Variants in CELF2 observed in about 807,000 individuals in gnomAD.
The protein encoded by CELF2 is CUGBP Elav-like family member 2.
A neutral mutation model predicts 62.6 loss-of-function variants in CELF2; 8 were observed. The ratio of observed to expected loss-of-function variants is 0.13; its 90% CI spans 0.07 to 0.23. The LOEUF (loss-of-function observed/expected upper bound fraction) is 0.23. CELF2 is among the 10% of genes least tolerant of loss of function. The pLI is 1.00. For synonymous variants in CELF2, 258 were observed against 250.0 expected (o/e 1.03, Z -0.30); for missense variants, 333 against 671.0 (o/e 0.50, Z 5.56).
chr10:11,060,723 A>G (rs1393658450), intron 1 of CELF2, among the ~76,000 whole-genome samples: 1 of 152,180 alleles, frequency 6.6e-6, no homozygotes, highest in East Asian at 1.9e-4. Context: ...CATTTTCCCA[A>G]TAACATGTGC....
chr10:10,731,471 G>A, the CELF2 span, among the ~76,000 whole-genome samples: 1 of 152,124 alleles, frequency 6.6e-6, no homozygotes, highest in South Asian at 2.1e-4. Context: ...GTATAAAATG[G>A]AAAGAAACTA....
chr10:11,175,250 G>T (rs7073431), intron 2 of CELF2, among the ~76,000 whole-genome samples: 96 of 152,166 alleles, frequency 6.3e-4, no homozygotes, highest in Non-Finnish European at 1.0e-3. Flanking sequence ...AGCATGAATC[G>T]CAAAGGTCCG....
chr10:10,760,024 C>T, the CELF2 span, among the ~76,000 whole-genome samples: 1 of 152,166 alleles, frequency 6.6e-6, no homozygotes, highest in Non-Finnish European at 1.5e-5. Context: ...CCTGCCTCAC[C>T]CTCCTGCGTA....
chr10:11,244,697 G>A lies in CELF2; in HGVS notation c.355-4456G>A, dbSNP rs984153043. On this transcript the variant is annotated intron_variant, in intron 3 of 12. Coordinates refer to ENST00000633077, the MANE Select transcript of CELF2 (RefSeq NM_001326342.2). This position sits in a 1 kb window ranked among gnomAD's most constrained non-coding sequence, Gnocchi z 4.2. ...CAGCATAAAAACAACAACAACTTCC[G>A]TTGCTTCCTCTGTTGGTTAGGATAT... 2.0e-5 allele frequency among the ~76,000 whole-genome samples: 3 copies of A among 150,996 alleles called. No homozygotes were observed. The highest frequency in any genetic ancestry group is 2.1e-4 in the South Asian group (1 of 4,782).
At chr10:11,066,004 C>T (rs1192705549) in intron 1 of CELF2, among the ~76,000 whole-genome samples, 1 of 152,126 alleles carries the variant, frequency 6.6e-6, no homozygotes, top group Non-Finnish European at 1.5e-5. Flanking sequence ...CCCCATACAG[C>T]AGGAATGCAC....
Position 11,321,516 on chromosome 10 carries a change from GT to G in CELF2, c.1294+133del, listed in dbSNP as rs2095435537. 26 of 636,616 alleles carry G rather than the reference GT, an allele frequency of 4.1e-5. No individual in the cohort carries two copies. Among genetic ancestry groups the G allele is most frequent in the Non-Finnish European group, 5.3e-5 (22 of 411,854 alleles). The allele number at this position is 636,616 out of a possible 1,614,324, so 39.4% of individuals were successfully genotyped here. A position where few individuals can be genotyped will look rare whatever the true frequency, so the allele number is the denominator to read the frequency against. ...AGAAAGCAGTTGTTTTGTTATTCATGTTTAAAAAAAAAAAAAACTGAAAGCT... is the reference window on the plus strand; with the variant it reads ...AGAAAGCAGTTGTTTTGTTATTCATGTTAAAAAAAAAAAAAACTGAAAGCT... On this transcript the variant is annotated intron_variant, in intron 11 of 12. Transcript: ENST00000633077. This position sits in a 1 kb window ranked among gnomAD's most constrained non-coding sequence, Gnocchi z 6.2.
chr10:10,613,381 A>G, the CELF2 span, among the ~76,000 whole-genome samples: 1 of 152,196 alleles, frequency 6.6e-6, no homozygotes, highest in Non-Finnish European at 1.5e-5. Context: ...ATTTAATTTT[A>G]TTACTTTCCG....
intron 2 of CELF2, chr10:10,946,578 A>T (rs1200380583): frequency 2.0e-5 from 3 of 152,378 alleles, no homozygotes; most frequent in African/African-American, 7.3e-5. Flanking sequence ...AGGTAGGGGG[A>T]TATATGTTCT....
At chr10:11,317,308 G>A (rs2095086732) in intron 10 of CELF2, 1 of 152,168 alleles carries the variant, frequency 6.6e-6, no homozygotes, top group African/African-American at 2.4e-5. Flanking sequence ...TGAAATTACT[G>A]TTTTAATCTG....
chr10:11,008,938 TC>T lies in CELF2; in HGVS notation c.53+3499del, dbSNP rs1279010777. Among the ~76,000 whole-genome samples, 1 of 143,516 alleles carries T rather than the reference TC, an allele frequency of 7.0e-6. No homozygotes were observed. The highest frequency in any genetic ancestry group is 1.5e-5 in the Non-Finnish European group (1 of 65,838). The allele number at this position is 143,516 out of a possible 152,430, so 94.2% of individuals were successfully genotyped here. On this transcript the variant is annotated intron_variant, in intron 1 of 12. Transcript: ENST00000416382. The surrounding 1 kb of genome is among the most constrained non-coding windows in gnomAD (Gnocchi z 4.5). Reference sequence around the variant, plus strand: ...AGTCCATTCAGTGGCAATAATGCCTTCTTGGGTCACCTTTATTAGCCTTCAC... The same window carrying T: ...AGTCCATTCAGTGGCAATAATGCCTTTTGGGTCACCTTTATTAGCCTTCAC...
the CELF2 span, among the ~76,000 whole-genome samples, chr10:10,617,050 C>T: frequency 6.6e-6 from 1 of 152,248 alleles, no homozygotes; most frequent in East Asian, 1.9e-4. Context: ...AGCCACTGAA[C>T]CCAATCCCCA....
At chr10:10,867,050 G>C (rs879548618) in intron 1 of CELF2, among the ~76,000 whole-genome samples, 2 of 151,982 alleles carry the variant, frequency 1.3e-5, no homozygotes, top group Non-Finnish European at 2.9e-5. Context: ...TTATCTTACT[G>C]ATTATAAATA....
the CELF2 span, among the ~76,000 whole-genome samples, chr10:10,745,129 A>T: frequency 8.5e-6 from 1 of 118,026 alleles, no homozygotes; most frequent in Non-Finnish European, 1.9e-5. Context: ...AAAAAAAAAC[A>T]AAACAAAAAA....
the CELF2 span, among the ~76,000 whole-genome samples, chr10:10,580,083 G>C: frequency 6.6e-6 from 1 of 152,218 alleles, no homozygotes; most frequent in African/African-American, 2.4e-5. Flanking sequence ...CAAGGAAAAT[G>C]TATTTAAAGA....
At position 11,211,366 on chromosome 10, in the gene CELF2, C is replaced by T. The variant is rs898723356; in HGVS notation, c.272-6059C>T. 1.3e-5 allele frequency among the ~76,000 whole-genome samples: 2 copies of T among 152,142 alleles called. No individual in the cohort carries two copies. Among genetic ancestry groups the T allele is most frequent in the African/African-American group, 4.8e-5 (2 of 41,420 alleles). Reference sequence around the variant, plus strand: ...TAAAACAGTGTCTCAGAGCATCAAACCTTGGTTTAGAAACCTTGGAGGAAG... The same window carrying T: ...TAAAACAGTGTCTCAGAGCATCAAATCTTGGTTTAGAAACCTTGGAGGAAG... On this transcript the variant is annotated intron_variant, in intron 2 of 12. Transcript: ENST00000633077. This position sits in a 1 kb window ranked among gnomAD's most constrained non-coding sequence, Gnocchi z 4.8.
At chr10:10,906,907 C>T (rs938838191) in intron 1 of CELF2, among the ~76,000 whole-genome samples, 4 of 151,762 alleles carry the variant, frequency 2.6e-5, no homozygotes, top group South Asian at 2.1e-4. Flanking sequence ...TTAGTAGAGA[C>T]GGGGTTTCAC....
chr10:10,753,567 C>T, the CELF2 span, among the ~76,000 whole-genome samples: 30 of 152,228 alleles, frequency 2.0e-4, no homozygotes, highest in African/African-American at 7.0e-4. Flanking sequence ...ATCCAAGGAC[C>T]GGGAAACACA....
the CELF2 span, among the ~76,000 whole-genome samples, chr10:10,573,701 TAAAG>T: frequency 2.7e-4 from 41 of 152,242 alleles, no homozygotes; most frequent in African/African-American, 8.9e-4. Context: ...AATCTGTAAA[TAAAG>T]CTCAGATTAA....
At chr10:10,877,516 T>C (rs2061180916) in intron 1 of CELF2, among the ~76,000 whole-genome samples, 1 of 152,320 alleles carries the variant, frequency 6.6e-6, no homozygotes, top group South Asian at 2.1e-4. Context: ...GAACATCAGA[T>C]ATGCATTTAT....
Sources: allele counts gnomAD v4.1 joint callset (sites outside exome capture counted in the v4.1 genomes callset), GRCh38; gene constraint gnomAD v4.1.1; non-coding constraint Gnocchi (gnomAD v3.1); transcripts MANE v1.5; gene names NCBI Gene and HGNC (gene_info 2026-07-23, HGNC 2026-07-21).